BCAR3: variants seen among roughly 807,000 people sequenced by gnomAD.
BCAR3 encodes breast cancer anti-estrogen resistance protein 3.
In BCAR3, 37 loss-of-function variants were observed where a neutral mutation model predicts 80.1. The observed-to-expected ratio is 0.46, with a 90% CI of 0.36 to 0.61. The LOEUF (loss-of-function observed/expected upper bound fraction) is 0.61. Among genes scored for constraint, BCAR3 ranks in the 20% least tolerant of loss-of-function variants. BCAR3 has a pLI of 0.00. For missense variants in BCAR3, 978 were observed against 1,068.2 expected, an observed-to-expected ratio of 0.92 and a Z score of 1.18; for synonymous variants, 389 against 418.9, an observed-to-expected ratio of 0.93 and a Z score of 0.87.
In BCAR3 at chr1:93,675,925, C is replaced by CAAAAAAAAAA. The variant is rs58706715; in HGVS notation, c.-11-994_-11-985dup. On this transcript the variant is annotated intron_variant, in intron 1 of 11. Coordinates refer to ENST00000260502, the MANE Select transcript of BCAR3 (RefSeq NM_003567.4). ...CACACAGAGGAAAAGAAATAGGAGA[C>CAAAAAAAAAA]AAAAAAAAAAAAAAAAAAAAAAAAA... is the stretch of plus-strand genomic sequence containing the variant. Among the ~76,000 whole-genome samples the CAAAAAAAAAA allele has an allele frequency of 1.9e-3, 99 of 51,448 alleles. 6 individuals are homozygous for CAAAAAAAAAA. Among genetic ancestry groups the CAAAAAAAAAA allele is most frequent in the Non-Finnish European group, 3.4e-3 (81 of 23,620 alleles). 33.8% of individuals were successfully genotyped at this position (51,448 alleles called of 152,430 possible).
intron 2 of BCAR3, among the ~76,000 whole-genome samples, chr1:93,673,834 G>A (rs1260732407): frequency 6.6e-6 from 1 of 152,082 alleles, no homozygotes; most frequent in African/African-American, 2.4e-5. Context: ...GGAGATATGG[G>A]GTCTAATTTA....
Position 93,562,393 on chromosome 1 carries a change from C to T in BCAR3, c.2326G>A (p.Glu776Lys), listed in dbSNP as rs1332271481. ...AGFQPDEEMNEICKTEFQMRL... is the reference protein window; with the variant it reads ...AGFQPDEEMNKICKTEFQMRL... ...ATTTGAAATTCAGTCTTGCAGATTT[C>T]ATTCATTTCTTCATCTGGTTGAAAA... The change falls in exon 12 of 12, where the codon GAA becomes AAA. Residue 776 changes from glutamate to lysine, a missense_variant. Glu to Lys is a moderately conservative substitution (Grantham distance 56). Coordinates refer to ENST00000260502, the MANE Select transcript of BCAR3 (RefSeq NM_003567.4). 8.1e-6 allele frequency: 13 copies of T among 1,613,740 alleles called. No individual in the cohort carries two copies. Among genetic ancestry groups the T allele is most frequent in the Non-Finnish European group, 1.1e-5 (13 of 1,179,884 alleles).
At chr1:93,649,682 CA>C (rs1676261922) in intron 2 of BCAR3, among the ~76,000 whole-genome samples, 2 of 151,996 alleles carry the variant, frequency 1.3e-5, no homozygotes, top group Non-Finnish European at 2.9e-5. Context: ...GAGTTACAGT[CA>C]CAAATCTGAC....
intron 2 of BCAR3, among the ~76,000 whole-genome samples, chr1:93,714,203 G>A (rs928234268): frequency 5.3e-5 from 8 of 152,144 alleles, no homozygotes; most frequent in African/African-American, 1.9e-4. Context: ...GGATGGTCTC[G>A]ATCTCCTGAC....
intron 3 of BCAR3, among the ~76,000 whole-genome samples, chr1:93,602,924 G>A (rs2101868545): frequency 6.6e-6 from 1 of 152,322 alleles, no homozygotes; most frequent in African/African-American, 2.4e-5. Flanking sequence ...GCCTTGCAAT[G>A]AAATAATTAG....
intron 2 of BCAR3, among the ~76,000 whole-genome samples, chr1:93,643,477 C>T (rs1419983261): frequency 3.2e-5 from 4 of 126,390 alleles, no homozygotes; most frequent in African/African-American, 6.0e-5. Context: ...ACCCAGGAGG[C>T]GGAGGTTGCA....
At chr1:93,844,214 G>A (rs1241407466) in intron 2 of BCAR3, among the ~76,000 whole-genome samples, 3 of 152,282 alleles carry the variant, frequency 2.0e-5, no homozygotes, top group East Asian at 1.9e-4. Context: ...GGCTGAGGCA[G>A]GAGAATTGCT....
At chr1:93,644,765 G>A (rs946014370) in intron 2 of BCAR3, among the ~76,000 whole-genome samples, 2 of 152,182 alleles carry the variant, frequency 1.3e-5, no homozygotes, top group Non-Finnish European at 2.9e-5. Context: ...GTACCAGCCA[G>A]GGCCCATTGA....
At chr1:93,763,861 T>C (rs1032423248) in intron 2 of BCAR3, among the ~76,000 whole-genome samples, 5 of 152,172 alleles carry the variant, frequency 3.3e-5, no homozygotes, top group Non-Finnish European at 5.9e-5. Context: ...ATGATGTCAC[T>C]GAATGCAGAG....
At chr1:93,590,372 A>G (rs147457598) in intron 4 of BCAR3, 1 of 152,280 alleles carries the variant, frequency 6.6e-6, no homozygotes, top group East Asian at 1.9e-4. Context: ...TGGCTCACTT[A>G]TATCATCTGA....
At position 93,678,062 on chromosome 1, in the gene BCAR3, T is replaced by C. The variant is rs929050447; in HGVS notation, c.-11-3121A>G. On this transcript the variant is annotated intron_variant, in intron 1 of 11. Transcript: ENST00000260502. ...AGTTCTACTATAAAAACGTAAACCA[T>C]TGGTTCTCAACCTGGCTACACATAA... Among the ~76,000 whole-genome samples the C allele has an allele frequency of 2.6e-5, 4 of 152,114 alleles. No individual in the cohort carries two copies. In the East Asian group the frequency reaches 5.8e-4, roughly 22 times the overall value.
chr1:93,782,033 T>C (rs1307376379), intron 2 of BCAR3, among the ~76,000 whole-genome samples: 2 of 152,094 alleles, frequency 1.3e-5, no homozygotes, highest in Non-Finnish European at 2.9e-5. Context: ...CCCAGATCAA[T>C]GTGAAGTCTA....
At chr1:93,684,777 T>G (rs1648917161), upstream of BCAR3, among the ~76,000 whole-genome samples, 1 of 152,230 alleles carries the variant, frequency 6.6e-6, no homozygotes, top group Non-Finnish European at 1.5e-5. Context: ...TTGCCCAGGC[T>G]GGAGTGCAAT....
At chr1:93,654,383 C>G (rs1455333619) in intron 2 of BCAR3, among the ~76,000 whole-genome samples, 1 of 152,120 alleles carries the variant, frequency 6.6e-6, no homozygotes, top group African/African-American at 2.4e-5. Flanking sequence ...GAGATGGGAG[C>G]TGCCCTCACC....
chr1:93,832,703 T>C (rs1013921289), intron 2 of BCAR3, among the ~76,000 whole-genome samples: 1 of 152,158 alleles, frequency 6.6e-6, no homozygotes, highest in South Asian at 2.1e-4. Flanking sequence ...TTGTGGGTAT[T>C]GATGGCCAGG....
At chr1:93,633,018 TA>T (rs759864171) in intron 3 of BCAR3, among the ~76,000 whole-genome samples, 1 of 150,510 alleles carries the variant, frequency 6.6e-6, no homozygotes. Flanking sequence ...AAACTCCACA[TA>T]AAAAAAAAGC....
At chr1:93,574,466 G>A (rs1217049249) in intron 8 of BCAR3, among the ~76,000 whole-genome samples, 1 of 152,146 alleles carries the variant, frequency 6.6e-6, no homozygotes, top group Non-Finnish European at 1.5e-5. Context: ...CAAGAAACAA[G>A]CTAAGGAGCA....
intron 3 of BCAR3, chr1:93,599,297 A>G (rs1674544433): frequency 6.6e-6 from 1 of 152,290 alleles, no homozygotes; most frequent in Non-Finnish European, 1.5e-5. Flanking sequence ...GCAAGCAAAG[A>G]GAAGAGGAGC....
intron 3 of BCAR3, among the ~76,000 whole-genome samples, chr1:93,604,208 A>G (rs536206928): frequency 6.6e-6 from 1 of 152,318 alleles, no homozygotes; most frequent in East Asian, 1.9e-4. Context: ...CCTACTGTAT[A>G]TGATTTTCCT....
Sources: gnomAD v4.1 joint callset for allele counts (sites outside exome capture counted in the v4.1 genomes callset) on GRCh38, gnomAD v4.1.1 for gene constraint, MANE v1.5 for transcripts, NCBI Gene and HGNC (gene_info 2026-07-23, HGNC 2026-07-21) for gene names.